DLG1: variants seen among roughly 807,000 people sequenced by gnomAD.
DLG1 encodes the protein disks large homolog 1.
A neutral mutation model predicts 123.4 loss-of-function variants in DLG1; 42 were observed. That is an observed-to-expected ratio of 0.34 (90% CI 0.27 to 0.44). The LOEUF (loss-of-function observed/expected upper bound fraction) is 0.44. Ranked by LOEUF, DLG1 falls within the 20% of genes least tolerant of loss-of-function variation. The pLI is 1.00. For missense variants in DLG1, 942 were observed against 1,082.6 expected (o/e 0.87, Z 1.82); for synonymous variants, 317 against 356.2 (o/e 0.89, Z 1.24).
intron 4 of DLG1, among the ~76,000 whole-genome samples, chr3:197,232,532 A>T (rs1269829451): frequency 1.3e-5 from 2 of 152,178 alleles, no homozygotes. Context: ...TGGAGGAAAC[A>T]AAACTTTGTT....
chr3:197,054,930 C>T (rs1206032034), intron 23 of DLG1, among the ~76,000 whole-genome samples: 1 of 152,128 alleles, frequency 6.6e-6, no homozygotes, highest in Non-Finnish European at 1.5e-5. Flanking sequence ...ATTCTCGTGC[C>T]TCAGCCTCCC....
At chr3:197,139,002 T>C (rs1241748049) in intron 8 of DLG1, among the ~76,000 whole-genome samples, 1 of 151,904 alleles carries the variant, frequency 6.6e-6, no homozygotes, top group Non-Finnish European at 1.5e-5. Flanking sequence ...TTCCAACCTA[T>C]ATATTAGACA....
chr3:197,256,851 G>A (rs1243153553), intron 4 of DLG1, among the ~76,000 whole-genome samples: 1 of 151,876 alleles, frequency 6.6e-6, no homozygotes, highest in African/African-American at 2.4e-5. Flanking sequence ...AAGCCAAAAT[G>A]GTAATGAACT....
intron 5 of DLG1, among the ~76,000 whole-genome samples, chr3:197,172,929 C>T (rs758557635): frequency 1.9e-4 from 29 of 152,292 alleles, no homozygotes; most frequent in Middle Eastern, 6.8e-3. Flanking sequence ...GGAAGTACAA[C>T]TTCTTACTGA....
intron 5 of DLG1, among the ~76,000 whole-genome samples, chr3:197,155,671 G>A (rs1796080231): frequency 6.6e-6 from 1 of 151,676 alleles, no homozygotes; most frequent in Non-Finnish European, 1.5e-5. Context: ...GCTCACACCT[G>A]TAATCCCAGC....
chr3:197,209,830 T>C lies in DLG1; in HGVS notation c.319-15241A>G, dbSNP rs764919370. ...GAGTAATAATGAAGCTAAATAGGAC[T>C]ATGTAGTAAAGAATTTAACCTTGCT... On this transcript the variant is annotated intron_variant, in intron 4 of 24. Transcript: ENST00000667157. Among the ~76,000 whole-genome samples, 20 of 146,642 alleles carry C rather than the reference T, an allele frequency of 1.4e-4. 5 individuals carry two copies. Among genetic ancestry groups the C allele is most frequent in the Non-Finnish European group, 3.1e-4 (20 of 65,222 alleles).
At chr3:197,069,285 A>C in intron 18 of DLG1, 25 bp from the exon 19 acceptor site, 1 of 1,552,840 alleles carries the variant, frequency 6.4e-7, no homozygotes, top group South Asian at 1.2e-5. Flanking sequence ...CAATGAAAAA[A>C]AATAAAACAG....
At chr3:197,112,119 G>T (rs1579439625) in intron 13 of DLG1, among the ~76,000 whole-genome samples, 1 of 152,316 alleles carries the variant, frequency 6.6e-6, no homozygotes, top group East Asian at 1.9e-4. Flanking sequence ...GAGGGTTGTA[G>T]CTGCTCCACA....
chr3:197,184,727 A>C (rs998374695), intron 5 of DLG1, among the ~76,000 whole-genome samples: 1 of 152,244 alleles, frequency 6.6e-6, no homozygotes, highest in Admixed American at 6.5e-5. Flanking sequence ...ATTTCTAAAA[A>C]TGAGAAAGAA....
intron 4 of DLG1, among the ~76,000 whole-genome samples, chr3:197,223,150 T>C (rs1055368483): frequency 6.6e-6 from 1 of 152,198 alleles, no homozygotes; most frequent in African/African-American, 2.4e-5. Context: ...CATTAAGAAC[T>C]TGAATGTCCT....
chr3:197,240,800 A>G (rs942170165), intron 4 of DLG1, among the ~76,000 whole-genome samples: 1 of 152,050 alleles, frequency 6.6e-6, no homozygotes, highest in African/African-American at 2.4e-5. Flanking sequence ...GGCTCTTGAC[A>G]TAAGAGAGGA....
chr3:197,222,121 G>C (rs1737434956), intron 4 of DLG1, among the ~76,000 whole-genome samples: 1 of 152,188 alleles, frequency 6.6e-6, no homozygotes, highest in Non-Finnish European at 1.5e-5. Flanking sequence ...TCCACAGTCG[G>C]TTGAATCCAC....
intron 22 of DLG1, among the ~76,000 whole-genome samples, chr3:197,062,904 C>T (rs989622592): frequency 1.3e-5 from 2 of 152,198 alleles, no homozygotes; most frequent in Non-Finnish European, 2.9e-5. Flanking sequence ...ATCCAATTAT[C>T]ACAGAGTTCA....
At chr3:197,057,321 A>G (rs1004071358) in intron 23 of DLG1, among the ~76,000 whole-genome samples, 4 of 152,100 alleles carry the variant, frequency 2.6e-5, no homozygotes, top group Non-Finnish European at 5.9e-5. Flanking sequence ...ACCTCAAGCA[A>G]TCCTTCTGTC....
intron 23 of DLG1, among the ~76,000 whole-genome samples, chr3:197,055,616 C>T (rs1731145334): frequency 6.6e-6 from 1 of 152,042 alleles, no homozygotes; most frequent in Non-Finnish European, 1.5e-5. Flanking sequence ...TGTGATTTTC[C>T]ATGGATATGA....
intron 4 of DLG1, among the ~76,000 whole-genome samples, chr3:197,220,837 T>C (rs1736594681): frequency 6.6e-6 from 1 of 152,196 alleles, no homozygotes; most frequent in African/African-American, 2.4e-5. Flanking sequence ...ATGTAAAGGT[T>C]TGGTAGCACA....
intron 4 of DLG1, among the ~76,000 whole-genome samples, chr3:197,269,709 T>C (rs1763123310): frequency 6.6e-6 from 1 of 152,204 alleles, no homozygotes; most frequent in Non-Finnish European, 1.5e-5. Context: ...AACCAAAATC[T>C]GGCTCACCTC....
At chr3:197,260,679 G>A (rs1007291823) in intron 4 of DLG1, among the ~76,000 whole-genome samples, 1 of 134,308 alleles carries the variant, frequency 7.4e-6, no homozygotes, top group African/African-American at 2.9e-5. Flanking sequence ...TCCACAAAGA[G>A]GTTCCCCCGA....
intron 10 of DLG1, among the ~76,000 whole-genome samples, chr3:197,133,808 A>G (rs1783815727): frequency 6.6e-6 from 1 of 152,234 alleles, no homozygotes; most frequent in Non-Finnish European, 1.5e-5. Flanking sequence ...ACCAAGATAA[A>G]GGGTGACTAT....
Sources: gnomAD v4.1 joint callset for allele counts (sites outside exome capture counted in the v4.1 genomes callset) on GRCh38, gnomAD v4.1.1 for gene constraint, MANE v1.5 for transcripts, NCBI Gene and HGNC (gene_info 2026-07-23, HGNC 2026-07-21) for gene names.